The following ZNF608 variants were observed in gnomAD, a reference collection of about 807,000 sequenced individuals.
ZNF608 encodes the protein zinc finger protein 608.
Under a neutral mutation model 109.0 loss-of-function variants are expected in ZNF608, and 12 were observed. The observed-to-expected ratio is 0.11, with a 90% confidence interval of 0.07 to 0.18. ZNF608 has a LOEUF of 0.18. Among genes scored for constraint, ZNF608 ranks in the 10% least tolerant of loss-of-function variants. The probability of loss-of-function intolerance (pLI) is 1.00; values close to 1 mark genes in which losing one functional copy is unlikely to be tolerated. For synonymous variants in ZNF608, 732 were observed against 717.4 expected (o/e 1.02, Z -0.33); for missense variants, 1,707 against 1,879.3 (o/e 0.91, Z 1.70).
In ZNF608 at chr5:124,657,497, TAAAAAATA is replaced by T. The variant is rs763762055; in HGVS notation, c.1163-7808_1163-7801del. Among the ~76,000 whole-genome samples the T allele has an allele frequency of 2.6e-3, 389 of 151,688 alleles. 1 individual carries two copies. The highest frequency in any genetic ancestry group is 6.8e-3 in the Middle Eastern group (2 of 294). On this transcript the variant is annotated intron_variant, in intron 3 of 9. Coordinates refer to ENST00000513986, the MANE Select transcript of ZNF608 (RefSeq NM_020747.3). Reference sequence around the variant, plus strand: ...CAACACAGTGAAACCCAGTCTCTACTAAAAAATAAAAAAATAAAAAAATAAAAAATAGC... The same window carrying T: ...CAACACAGTGAAACCCAGTCTCTACTAAAAAATAAAAAAATAAAAAATAGC...
intron 2 of ZNF608, chr5:124,708,569 T>C: frequency 2.7e-6 from 1 of 373,712 alleles, no homozygotes. Flanking sequence ...AATAATACAA[T>C]CCCTTCAGAA....
chr5:124,659,923 T>G (rs1263576401), intron 3 of ZNF608, among the ~76,000 whole-genome samples: 1 of 152,216 alleles, frequency 6.6e-6, no homozygotes, highest in Non-Finnish European at 1.5e-5. Flanking sequence ...GAGCGCTTAT[T>G]TGCTTTTGTG....
intron 3 of ZNF608, among the ~76,000 whole-genome samples, chr5:124,662,566 C>A (rs1439852210): frequency 5.9e-5 from 9 of 152,188 alleles, no homozygotes; most frequent in Non-Finnish European, 5.9e-5. Context: ...TCTCTGGTCT[C>A]ATGAAGTTAG....
rs948433724 is a variant in ZNF608 at position 124,645,040 on chromosome 5, C to A, written c.3706-379G>T. ...CATCCTCAGACATATTTAATTCTGT[C>A]TTCGTTTGCCTTTTAATATCTCACA... On this transcript the variant is annotated intron_variant, in intron 5 of 9. Transcript: ENST00000513986. Among the ~76,000 whole-genome samples the A allele has an allele frequency of 2.0e-5, 3 of 152,326 alleles. No homozygotes were observed. In the East Asian group the frequency reaches 5.8e-4, roughly 29 times the overall value.
At chr5:124,654,038 A>T (rs1750905495) in intron 3 of ZNF608, among the ~76,000 whole-genome samples, 1 of 152,090 alleles carries the variant, frequency 6.6e-6, no homozygotes, top group Non-Finnish European at 1.5e-5. Context: ...TCCTTGTGTT[A>T]AACTAAATTT....
At chr5:124,650,841 T>C (rs896704294) in intron 3 of ZNF608, among the ~76,000 whole-genome samples, 2 of 152,218 alleles carry the variant, frequency 1.3e-5, no homozygotes, top group Non-Finnish European at 2.9e-5. Flanking sequence ...TGCATTACCA[T>C]TGCCATTGTG....
chr5:124,698,793 C>T (rs1752942054), intron 3 of ZNF608, among the ~76,000 whole-genome samples: 1 of 152,190 alleles, frequency 6.6e-6, no homozygotes, highest in Admixed American at 6.5e-5. Context: ...ATAATCTTAT[C>T]TTTGAGAAGA....
intron 2 of ZNF608, among the ~76,000 whole-genome samples, chr5:124,717,901 A>G (rs1309132787): frequency 6.6e-6 from 1 of 152,176 alleles, no homozygotes. Context: ...GCGAAGGAGG[A>G]AAATGAATCC....
At chr5:124,723,073 C>T (rs1753997199) in intron 2 of ZNF608, among the ~76,000 whole-genome samples, 1 of 151,226 alleles carries the variant, frequency 6.6e-6, no homozygotes, top group South Asian at 2.1e-4. Flanking sequence ...CTGTGTTTCC[C>T]AGGCTGGAGT....
At position 124,746,254 on chromosome 5, in the gene ZNF608, A is replaced by C. The variant is rs1018155653; in HGVS notation, c.-243T>G. 3.0e-6 allele frequency: 3 copies of C among 985,236 alleles called. No individual in the cohort carries two copies. The Admixed American group carries it at 1.8e-4, about 61-fold the overall frequency. The allele number at this position is 985,236 out of a possible 1,614,324, so 61.0% of individuals were successfully genotyped here. ...CAAATCAAAATGCCTTTCCCACTCCACTCGGCAAACAAGCCTGTGCCTCAT... is the reference window on the plus strand; with the variant it reads ...CAAATCAAAATGCCTTTCCCACTCCCCTCGGCAAACAAGCCTGTGCCTCAT... On this transcript the variant is annotated 5_prime_UTR_variant, in exon 1 of 10. Coordinates refer to ENST00000513986, the MANE Select transcript of ZNF608 (RefSeq NM_020747.3).
intron 3 of ZNF608, among the ~76,000 whole-genome samples, chr5:124,667,969 C>A (rs1377848701): frequency 6.6e-6 from 1 of 152,030 alleles, no homozygotes; most frequent in Admixed American, 6.6e-5. Context: ...TAGTTGGTCA[C>A]GTGCTAAATA....
Position 124,646,664 on chromosome 5 carries a change from G to T in ZNF608, c.3705+15C>A. ...ACTGCTCTCTCCCTGTTGGGGCCAC[G>T]CTCCACAATCTTACTTGTTTAAATC... On this transcript the variant is annotated intron_variant, in intron 5 of 9. Transcript: ENST00000513986. 6.2e-7 allele frequency: 1 copy of T among 1,600,698 alleles called. No individual in the cohort carries two copies. The highest frequency in any genetic ancestry group is 8.5e-7 in the Non-Finnish European group (1 of 1,170,666).
At chr5:124,736,570 A>G (rs1177114989) in intron 2 of ZNF608, among the ~76,000 whole-genome samples, 1 of 152,044 alleles carries the variant, frequency 6.6e-6, no homozygotes, top group Non-Finnish European at 1.5e-5. Context: ...ACACATGATG[A>G]GTGTAGTTTA....
chr5:124,735,404 GC>G (rs1749101402), intron 2 of ZNF608, among the ~76,000 whole-genome samples: 1 of 152,194 alleles, frequency 6.6e-6, no homozygotes, highest in Non-Finnish European at 1.5e-5. Flanking sequence ...GGAACGCGCA[GC>G]CCCGGGCCCG....
Position 124,643,524 on chromosome 5 carries a change from C to G in ZNF608, c.4283G>C (p.Ser1428Thr). 1 of 1,614,084 alleles carries G rather than the reference C, an allele frequency of 6.2e-7. No homozygotes were observed. Among genetic ancestry groups the G allele is most frequent in the Non-Finnish European group, 8.5e-7 (1 of 1,179,984 alleles). Residue 1428 changes from serine (S) to threonine (T), a missense_variant, in exon 7 of 10, where the codon AGC becomes ACC. Transcript: ENST00000513986. ...AAGGAGGCTTACAGCAGGAGACTTG[C>G]TGCGGTATTGGTTAGCATGCTGCTG... ...LLQQHANQYR[S>T]KSPAPVEKAT... is the part of the protein sequence containing the mutation.
intron 3 of ZNF608, among the ~76,000 whole-genome samples, chr5:124,679,433 CTCCTTCCT>C (rs536991634): frequency 0.011 from 1,706 of 150,386 alleles, 30 homozygotes; most frequent in African/African-American, 0.039. Context: ...CCCTCCCTCC[CTCCTTCCT>C]TCCTTCCTTC....
chr5:124,726,502 G>A (rs1754144550), intron 2 of ZNF608, among the ~76,000 whole-genome samples: 1 of 151,796 alleles, frequency 6.6e-6, no homozygotes, highest in African/African-American at 2.4e-5. Context: ...TCAGGACAAC[G>A]TGACCATTTC....
chr5:124,723,270 A>C (rs572147488), intron 2 of ZNF608, among the ~76,000 whole-genome samples: 24 of 152,160 alleles, frequency 1.6e-4, no homozygotes, highest in African/African-American at 5.5e-4. Context: ...CTGCCTCCCA[A>C]AGTACTGGGA....
chr5:124,688,313 T>C (rs1180337079), intron 3 of ZNF608, among the ~76,000 whole-genome samples: 1 of 152,168 alleles, frequency 6.6e-6, no homozygotes, highest in Non-Finnish European at 1.5e-5. Flanking sequence ...CCGTGTGGTC[T>C]CTTGGGAGCA....
Sources: allele counts gnomAD v4.1 joint callset (sites outside exome capture counted in the v4.1 genomes callset), GRCh38; gene constraint gnomAD v4.1.1; transcripts MANE v1.5; gene names NCBI Gene and HGNC (gene_info 2026-07-23, HGNC 2026-07-21).